Variants in MTA1 observed in about 807,000 individuals in gnomAD.
The protein encoded by MTA1 is metastasis-associated protein MTA1.
In MTA1, 15 loss-of-function variants were observed where a neutral mutation model predicts 97.0. The observed-to-expected ratio is 0.15, with a 90% confidence interval of 0.10 to 0.24. The LOEUF (loss-of-function observed/expected upper bound fraction) is 0.24. Ranked by LOEUF, MTA1 falls within the 10% of genes least tolerant of loss-of-function variation. MTA1 has a pLI of 1.00. For missense variants in MTA1, 709 were observed against 1,015.1 expected, an observed-to-expected ratio of 0.70 and a Z score of 4.10; for synonymous variants, 435 against 417.5, an observed-to-expected ratio of 1.04 and a Z score of -0.51.
chr14:105,433,133 A>G (rs2082228237), intron 1 of MTA1, among the ~76,000 whole-genome samples: 1 of 152,164 alleles, frequency 6.6e-6, no homozygotes, highest in African/African-American at 2.4e-5. Flanking sequence ...CAGCAAAGGG[A>G]AGCGGCACAG....
In MTA1 at chr14:105,454,274, C is replaced by T. The variant is rs781923587; in HGVS notation, c.514C>T (p.Arg172Trp). The change falls in exon 7 of 21, where the codon CGG becomes TGG. Residue 172 changes from arginine to tryptophan, a missense_variant. This residue lies in a region of MTA1 where 321 missense variants were observed against 593.5 expected (regional missense o/e 0.54). Coordinates refer to ENST00000331320, the MANE Select transcript of MTA1 (RefSeq NM_004689.4). ...TAAAGGAGAGATTCGAGTAGGAAACCGGTACCAGGCAGACATCACCGACTT... is the reference window on the plus strand; with the variant it reads ...TAAAGGAGAGATTCGAGTAGGAAACTGGTACCAGGCAGACATCACCGACTT... ...ADKGEIRVGNRYQADITDLLK... is the reference protein window; with the variant it reads ...ADKGEIRVGNWYQADITDLLK... 3.7e-6 allele frequency: 6 copies of T among 1,613,546 alleles called. No homozygotes were observed. The highest frequency in any genetic ancestry group is 1.7e-5 in the Admixed American group (1 of 60,002).
At chr14:105,441,525 G>T (rs188947689) in intron 2 of MTA1, among the ~76,000 whole-genome samples, 7,660 of 152,246 alleles carry the variant, frequency 0.05, 661 homozygotes, top group African/African-American at 0.17. Context: ...CTGGACGCAG[G>T]GGCTCACGCC....
intron 19 of MTA1, 149 bp downstream of exon 19, chr14:105,469,647 C>T (rs2083749208): frequency 8.3e-7 from 1 of 1,211,926 alleles, no homozygotes; most frequent in Admixed American, 2.1e-5. Flanking sequence ...ATGTGGGGGC[C>T]ATGGCCCCTG....
At chr14:105,442,156 G>C (rs189575274) in intron 2 of MTA1, among the ~76,000 whole-genome samples, 19 of 152,318 alleles carry the variant, frequency 1.2e-4, no homozygotes, top group Admixed American at 6.5e-4. Flanking sequence ...TTTAGAACAC[G>C]GGAGAAGAAA....
rs587610162 is a variant in MTA1 at position 105,466,082 on chromosome 14, G to A, written c.1625-344G>A. On this transcript the variant is annotated intron_variant, in intron 16 of 20. Coordinates refer to ENST00000331320, the MANE Select transcript of MTA1 (RefSeq NM_004689.4). ...CCTCCACCAGCAGCTCCGGGGGCCTGGACGTGGGGGCTGTTTAATAGGCGT... is the reference window on the plus strand; with the variant it reads ...CCTCCACCAGCAGCTCCGGGGGCCTAGACGTGGGGGCTGTTTAATAGGCGT... The A allele has an allele frequency of 1.8e-4, 51 of 278,038 alleles. No homozygotes were observed. The South Asian group carries it at 1.9e-3, about 10-fold the overall frequency. The allele number at this position is 278,038 out of a possible 1,614,324, so 17.2% of individuals were successfully genotyped here. A position where few individuals can be genotyped will look rare whatever the true frequency, so the allele number is the denominator to read the frequency against.
intron 2 of MTA1, among the ~76,000 whole-genome samples, chr14:105,443,375 T>C (rs587716658): frequency 2.6e-5 from 4 of 152,282 alleles, no homozygotes; most frequent in African/African-American, 9.6e-5. Context: ...CTTTCTTTTT[T>C]GTTGTTGCTT....
chr14:105,463,686 G>C lies in MTA1; in HGVS notation c.1076+135G>C. The C allele has an allele frequency of 1.2e-6, 1 of 835,210 alleles. No homozygotes were observed. Among genetic ancestry groups the C allele is most frequent in the Non-Finnish European group, 1.9e-6 (1 of 521,838 alleles). 51.7% of individuals were successfully genotyped at this position (835,210 alleles called of 1,614,324 possible). A position where few individuals can be genotyped will look rare whatever the true frequency, so the allele number is the denominator to read the frequency against. On this transcript the variant is annotated intron_variant, in intron 12 of 20. Transcript: ENST00000331320. This position sits in a 1 kb window ranked among gnomAD's most constrained non-coding sequence, Gnocchi z 5.9. ...GAAAGTTGGGGCAGCCCCCGGGAGG[G>C]CGGCCCAGGGCTGGGGGGTTCTGGC...
Position 105,463,134 on chromosome 14 carries a change from G to A in MTA1, c.943-50G>A, listed in dbSNP as rs1453436441. 7 of 1,573,704 alleles carry A rather than the reference G, an allele frequency of 4.4e-6. No individual in the cohort carries two copies. The highest frequency in any genetic ancestry group is 6.1e-6 in the Non-Finnish European group (7 of 1,149,822). On this transcript the variant is annotated intron_variant, in intron 10 of 20. Coordinates refer to ENST00000331320, the MANE Select transcript of MTA1 (RefSeq NM_004689.4). The surrounding 1 kb of genome is among the most constrained non-coding windows in gnomAD (Gnocchi z 5.9). ...AGCCCTGCCCCTGCCTGCATGGTGTGCCTGCCTCCTGCCCCTTCCTGCTTG... is the reference window on the plus strand; with the variant it reads ...AGCCCTGCCCCTGCCTGCATGGTGTACCTGCCTCCTGCCCCTTCCTGCTTG...
intron 1 of MTA1, among the ~76,000 whole-genome samples, chr14:105,429,518 C>T (rs1259895099): frequency 1.3e-5 from 2 of 150,660 alleles, no homozygotes; most frequent in African/African-American, 4.9e-5. Context: ...GTGGCACGAT[C>T]TCGGCTCACT....
chr14:105,433,271 G>A lies in MTA1; in HGVS notation c.29-5401G>A, dbSNP rs1385260599. On this transcript the variant is annotated intron_variant, in intron 1 of 20. Transcript: ENST00000331320. ...CGTATTTCCAAGCAGGGACGCTCCC[G>A]TGAGCCTTGGTGGTCCAGGTGTTTT... 3.9e-5 allele frequency among the ~76,000 whole-genome samples: 6 copies of A among 152,236 alleles called. No individual in the cohort carries two copies. In the South Asian group the frequency reaches 6.2e-4, roughly 16 times the overall value.
At chr14:105,436,864 T>C (rs1357417738) in intron 1 of MTA1, among the ~76,000 whole-genome samples, 9 of 152,250 alleles carry the variant, frequency 5.9e-5, no homozygotes, top group Non-Finnish European at 1.5e-5. Context: ...CCCACCAATT[T>C]TGAGTGTGTG....
intron 2 of MTA1, among the ~76,000 whole-genome samples, chr14:105,442,603 T>G (rs2082574399): frequency 6.6e-6 from 1 of 152,218 alleles, no homozygotes; most frequent in South Asian, 2.1e-4. Context: ...AATGGCCTAG[T>G]GTGGCCTCAC....
intron 2 of MTA1, among the ~76,000 whole-genome samples, chr14:105,439,410 G>A (rs1197578531): frequency 6.6e-6 from 1 of 152,188 alleles, no homozygotes; most frequent in Admixed American, 6.5e-5. Context: ...CTGGGGGGTG[G>A]TGACACATGG....
chr14:105,436,454 T>A (rs2082326821), intron 1 of MTA1, among the ~76,000 whole-genome samples: 1 of 152,386 alleles, frequency 6.6e-6, no homozygotes, highest in East Asian at 1.9e-4. Flanking sequence ...TGGAAGTCCA[T>A]AGTCATGTTG....
At chr14:105,438,526 C>T in intron 1 of MTA1, 146 bp from the exon 2 acceptor site, 1 of 729,962 alleles carries the variant, frequency 1.4e-6, no homozygotes, top group South Asian at 1.6e-5. Flanking sequence ...GGGGGCTTCG[C>T]TTCCTCTGTT....
intron 15 of MTA1, 25 bp downstream of exon 15, chr14:105,464,888 A>G: frequency 6.5e-7 from 1 of 1,538,782 alleles, no homozygotes; most frequent in African/African-American, 1.4e-5. Flanking sequence ...CGCCCCGCTT[A>G]CTCTGTTCCT....
chr14:105,436,779 C>T (rs782290786), intron 1 of MTA1, among the ~76,000 whole-genome samples: 5 of 152,144 alleles, frequency 3.3e-5, no homozygotes, highest in Non-Finnish European at 7.4e-5. Context: ...TATTTGGTTT[C>T]TTGGAGTAAA....
intron 4 of MTA1, 109 bp downstream of exon 4, chr14:105,449,518 C>A (rs1196832765): frequency 3.2e-6 from 4 of 1,244,942 alleles, no homozygotes; most frequent in Non-Finnish European, 4.4e-6. Flanking sequence ...CATGCCTGTG[C>A]CCTGCGCCCG....
chr14:105,470,379 G>A lies in MTA1; in HGVS notation c.*164G>A, dbSNP rs373864574. On this transcript the variant is annotated 3_prime_UTR_variant, in exon 21 of 21. Transcript: ENST00000331320. The stretch of plus-strand genomic sequence containing the variant: ...ACACTGGGGGAGGAGAGGAAGAAGC[G>A]CGGCTAACTTATTCCGAGAATGCCG... 1.5e-4 allele frequency: 83 copies of A among 568,164 alleles called. No individual in the cohort carries two copies. The Middle Eastern group carries it at 2.5e-3, about 17-fold the overall frequency. The allele number at this position is 568,164 out of a possible 1,614,324, so 35.2% of individuals were successfully genotyped here. A position where few individuals can be genotyped will look rare whatever the true frequency, so the allele number is the denominator to read the frequency against.
Sources: allele counts gnomAD v4.1 joint callset (sites outside exome capture counted in the v4.1 genomes callset), GRCh38; gene constraint gnomAD v4.1.1; regional missense constraint gnomAD v4.1.1; non-coding constraint Gnocchi (gnomAD v3.1); transcripts MANE v1.5; gene names NCBI Gene and HGNC (gene_info 2026-07-23, HGNC 2026-07-21).